FBXL7: variants seen among roughly 807,000 people sequenced by gnomAD.
The protein encoded by FBXL7 is F-box and leucine rich repeat protein 7.
FBXL7 carries 12 observed loss-of-function variants against 38.3 expected under a neutral mutation model. The ratio of observed to expected loss-of-function variants is 0.31; its 90% CI spans 0.20 to 0.51. The LOEUF (loss-of-function observed/expected upper bound fraction) is 0.51, where lower values mean the gene tolerates loss of function less well. FBXL7 is among the 20% of genes least tolerant of loss of function. The pLI is 0.98. For synonymous variants in FBXL7, 297 were observed against 300.9 expected (o/e 0.99, Z 0.13); for missense variants, 567 against 676.4 (o/e 0.84, Z 1.79).
At position 15,733,254 on chromosome 5, in the gene FBXL7, G is replaced by A. The variant is rs149263256; in HGVS notation, c.127+117182G>A. 6.4e-3 allele frequency among the ~76,000 whole-genome samples: 976 copies of A among 152,056 alleles called. 11 individuals are homozygous for A. Among genetic ancestry groups the A allele is most frequent in the African/African-American group, 0.022 (916 of 41,460 alleles). On this transcript the variant is annotated intron_variant, in intron 2 of 3. Coordinates refer to ENST00000504595, the MANE Select transcript of FBXL7 (RefSeq NM_012304.5). ...ATTACAGGCACCCGCCACCACGCCC[G>A]GCTAATTTTTGTATTTTTAGTAGAG...
chr5:15,530,890 G>A lies in FBXL7; in HGVS notation c.37+30177G>A, dbSNP rs1359750237. 3.3e-5 allele frequency among the ~76,000 whole-genome samples: 5 copies of A among 152,272 alleles called. No homozygotes were observed. The East Asian group carries it at 7.7e-4, about 24-fold the overall frequency. On this transcript the variant is annotated intron_variant, in intron 1 of 3. Transcript: ENST00000504595. Reference sequence around the variant, plus strand: ...TCTGTCATGCAGCCATGTAACACCCGTAGAACTGATCTTAGCTTCTTAGAT... The same window carrying A: ...TCTGTCATGCAGCCATGTAACACCCATAGAACTGATCTTAGCTTCTTAGAT...
chr5:15,911,625 T>A (rs1741431221), intron 2 of FBXL7, among the ~76,000 whole-genome samples: 1 of 79,518 alleles, frequency 1.3e-5, no homozygotes, highest in Non-Finnish European at 2.1e-5. Flanking sequence ...TTCCAGTTTT[T>A]CTGTTCTGTT....
chr5:15,535,087 A>G (rs1463394690), intron 1 of FBXL7, among the ~76,000 whole-genome samples: 2 of 152,172 alleles, frequency 1.3e-5, no homozygotes, highest in African/African-American at 4.8e-5. Flanking sequence ...GCCATGTAAG[A>G]TGTGCCTTGT....
intron 2 of FBXL7, among the ~76,000 whole-genome samples, chr5:15,773,818 G>C (rs1221258470): frequency 6.6e-6 from 1 of 152,056 alleles, no homozygotes; most frequent in Non-Finnish European, 1.5e-5. Flanking sequence ...TACTCTACTT[G>C]GAACAGGGGG....
intron 2 of FBXL7, among the ~76,000 whole-genome samples, chr5:15,832,430 C>T (rs1738482237): frequency 6.6e-6 from 1 of 152,118 alleles, no homozygotes; most frequent in Admixed American, 6.6e-5. Context: ...TGTCAGACCT[C>T]CGTGTGAAGT....
At chr5:15,775,513 GC>G (rs1012050468) in intron 2 of FBXL7, among the ~76,000 whole-genome samples, 8 of 151,822 alleles carry the variant, frequency 5.3e-5, no homozygotes, top group African/African-American at 1.9e-4. Context: ...TTTGATACCT[GC>G]CCATATCTTT....
chr5:15,774,826 G>A lies in FBXL7; in HGVS notation c.128-153064G>A, dbSNP rs897285159. ...GTGGGTGCATCTTTGGTTGTTGTCC[G>A]TGGTCCTGAACTATCCCAGATACTA... On this transcript the variant is annotated intron_variant, in intron 2 of 3. Coordinates refer to ENST00000504595, the MANE Select transcript of FBXL7 (RefSeq NM_012304.5). Among the ~76,000 whole-genome samples, 5 of 152,186 alleles carry A rather than the reference G, an allele frequency of 3.3e-5. No homozygotes were observed. The South Asian group carries it at 6.2e-4, about 19-fold the overall frequency.
intron 1 of FBXL7, among the ~76,000 whole-genome samples, chr5:15,591,813 C>T (rs548014842): frequency 2.0e-5 from 3 of 152,090 alleles, no homozygotes; most frequent in African/African-American, 4.8e-5. Flanking sequence ...CGGGTTCAAG[C>T]GATTCTTCTG....
intron 2 of FBXL7, among the ~76,000 whole-genome samples, chr5:15,647,406 A>C (rs1741566167): frequency 6.6e-6 from 1 of 152,010 alleles, no homozygotes. Context: ...TCTTATTCTC[A>C]CTCAGTACTT....
intron 1 of FBXL7, among the ~76,000 whole-genome samples, chr5:15,521,402 G>A (rs572956877): frequency 2.0e-5 from 3 of 152,228 alleles, no homozygotes; most frequent in South Asian, 4.2e-4. Flanking sequence ...GTAAAATGAA[G>A]GTATTAAATA....
At chr5:15,631,154 T>C (rs567854321) in intron 2 of FBXL7, among the ~76,000 whole-genome samples, 1 of 152,206 alleles carries the variant, frequency 6.6e-6, no homozygotes, top group African/African-American at 2.4e-5. Flanking sequence ...ATGTTGAAAC[T>C]TAACCAAATT....
intron 2 of FBXL7, among the ~76,000 whole-genome samples, chr5:15,874,278 TAAG>T: frequency 6.6e-6 from 1 of 152,102 alleles, no homozygotes; most frequent in South Asian, 2.1e-4. Flanking sequence ...CTCAAAATAA[TAAG>T]AGCTGTATAT....
rs1247630178 is a variant in FBXL7, at chr5:15,814,284, GGA to G, written c.128-113605_128-113604del. Among the ~76,000 whole-genome samples, 21 of 152,258 alleles carry G rather than the reference GGA, an allele frequency of 1.4e-4. No homozygotes were observed. In the East Asian group the frequency reaches 4.1e-3, roughly 29 times the overall value. On this transcript the variant is annotated intron_variant, in intron 2 of 3. Transcript: ENST00000504595. ...GAGTTCGTGTCCTTCGCAGGGACAT[GGA>G]TGAAGCTGGCAACCATCATTCTCGG...
In FBXL7 at chr5:15,634,313, CTTT is replaced by C. The variant is rs57823645; in HGVS notation, c.127+18263_127+18265del. ...AACCTAAAACTTTATATGTTCGTTT[CTTT>C]TTTTTTTTTTTTTTTTTTTTTAAAA... On this transcript the variant is annotated intron_variant, in intron 2 of 3. Transcript: ENST00000504595. 3.2e-3 allele frequency among the ~76,000 whole-genome samples: 363 copies of C among 112,250 alleles called. 1 individual carries two copies. The highest frequency in any genetic ancestry group is 6.4e-3 in the African/African-American group (200 of 31,176). The allele number at this position is 112,250 out of a possible 152,430, so 73.6% of individuals were successfully genotyped here.
intron 2 of FBXL7, among the ~76,000 whole-genome samples, chr5:15,857,230 G>A (rs896275353): frequency 6.6e-6 from 1 of 152,050 alleles, no homozygotes; most frequent in African/African-American, 2.4e-5. Flanking sequence ...AAAGTACTGG[G>A]GTCAAGCCCA....
At chr5:15,876,159 C>T (rs1253710028) in intron 2 of FBXL7, among the ~76,000 whole-genome samples, 1 of 151,702 alleles carries the variant, frequency 6.6e-6, no homozygotes, top group Non-Finnish European at 1.5e-5. Flanking sequence ...ACAGAAAACC[C>T]AATACCGCAT....
chr5:15,808,093 C>T (rs1052315724), intron 2 of FBXL7, among the ~76,000 whole-genome samples: 13 of 151,842 alleles, frequency 8.6e-5, no homozygotes, highest in East Asian at 5.8e-4. Flanking sequence ...CACATCTGTG[C>T]GGGAAATTAC....
chr5:15,592,440 T>G (rs904810069), intron 1 of FBXL7, among the ~76,000 whole-genome samples: 1 of 152,136 alleles, frequency 6.6e-6, no homozygotes, highest in Non-Finnish European at 1.5e-5. Flanking sequence ...AAGCTCATTG[T>G]GAAGATTTAA....
At position 15,857,036 on chromosome 5, in the gene FBXL7, A is replaced by T. The variant is rs73752329; in HGVS notation, c.128-70854A>T. 5.2e-3 allele frequency among the ~76,000 whole-genome samples: 788 copies of T among 152,296 alleles called. 12 individuals carry two copies. Among genetic ancestry groups the T allele is most frequent in the African/African-American group, 0.018 (748 of 41,568 alleles). ...AAAGTATGAACCCATTACATTATAA[A>T]CCATACTGCAACATTGCCTTCCATA... On this transcript the variant is annotated intron_variant, in intron 2 of 3. Coordinates refer to ENST00000504595, the MANE Select transcript of FBXL7 (RefSeq NM_012304.5).
Sources: allele counts gnomAD v4.1 joint callset (sites outside exome capture counted in the v4.1 genomes callset), GRCh38; gene constraint gnomAD v4.1.1; transcripts MANE v1.5; gene names NCBI Gene and HGNC (gene_info 2026-07-23, HGNC 2026-07-21).